The following JMJD1C variants were observed in gnomAD, a reference collection of about 807,000 sequenced individuals.
JMJD1C encodes jumonji domain containing 1C.
Under a neutral mutation model 245.3 loss-of-function variants are expected in JMJD1C, and 31 were observed. The observed-to-expected ratio is 0.13, with a 90% CI of 0.09 to 0.17. JMJD1C has a LOEUF of 0.17. Ranked by LOEUF, JMJD1C falls within the 10% of genes least tolerant of loss-of-function variation. JMJD1C has a pLI of 1.00. For missense variants in JMJD1C, 2,691 were observed against 3,000.2 expected (o/e 0.90, Z 2.41); for synonymous variants, 1,057 against 1,017.4 (o/e 1.04, Z -0.74).
Position 63,497,110 on chromosome 10 carries a change from G to T in JMJD1C, n.113+24628C>A, listed in dbSNP as rs142319022. ...GAGAAATGTTATATTATTCACAGAA[G>T]ATTTTTTCCAAAAGTAGCACCCAAC... On this transcript the variant is annotated intron_variant and non_coding_transcript_variant, in intron 1 of 3. Transcript: ENST00000633035. 2.2e-4 allele frequency among the ~76,000 whole-genome samples: 33 copies of T among 152,132 alleles called. No individual in the cohort carries two copies. In the East Asian group the frequency reaches 6.2e-3, roughly 29 times the overall value.
chr10:63,225,784 A>G (rs1849198159), intron 3 of JMJD1C, among the ~76,000 whole-genome samples: 1 of 151,876 alleles, frequency 6.6e-6, no homozygotes, highest in South Asian at 2.1e-4. Flanking sequence ...CATCTCCAAA[A>G]AAAAAAAAAA....
At position 63,465,484 on chromosome 10, in the gene JMJD1C, G is replaced by A. The variant is rs1061259; in HGVS notation, c.168+11C>T. 6.3e-7 allele frequency: 1 copy of A among 1,590,230 alleles called. No individual in the cohort carries two copies. Among genetic ancestry groups the A allele is most frequent in the Admixed American group, 1.7e-5 (1 of 58,594 alleles). ...CGCGGCAGGGGAAAAGGGGGGCGCT[G>A]ACTCTCTTACCGCCAGGTCCGGATT... On this transcript the variant is annotated intron_variant, in intron 1 of 25. Coordinates refer to ENST00000399262, the MANE Select transcript of JMJD1C (RefSeq NM_032776.3).
chr10:63,391,539 C>CAAA lies in JMJD1C; in HGVS notation c.169-11060_169-11058dup, dbSNP rs796538663. Among the ~76,000 whole-genome samples, 378 of 148,362 alleles carry CAAA rather than the reference C, an allele frequency of 2.5e-3. 3 individuals are homozygous for CAAA. Among genetic ancestry groups the CAAA allele is most frequent in the South Asian group, 0.011 (50 of 4,608 alleles). On this transcript the variant is annotated intron_variant, in intron 1 of 25. Transcript: ENST00000399262. ...ACAACAACAACAACAACAACAACAACAAAAAAGACAATTCCATTTATAATA... is the reference window on the plus strand; with the variant it reads ...ACAACAACAACAACAACAACAACAACAAAAAAAAAGACAATTCCATTTATAATA...
At chr10:63,173,986 T>C (rs1249972977) in intron 24 of JMJD1C, among the ~76,000 whole-genome samples, 1 of 152,044 alleles carries the variant, frequency 6.6e-6, no homozygotes, top group Non-Finnish European at 1.5e-5. Context: ...AAAACCACCA[T>C]GAGACACCAC....
At position 63,215,617 on chromosome 10, in the gene JMJD1C, C is replaced by G. The variant is rs749593063; in HGVS notation, c.758G>C (p.Gly253Ala). 1 of 1,611,466 alleles carries G rather than the reference C, an allele frequency of 6.2e-7. No homozygotes were observed. Among genetic ancestry groups the G allele is most frequent in the Middle Eastern group, 1.7e-4 (1 of 6,056 alleles). ...TCGTGATGTAATGCCAATATTTTCA[C>G]CTTTTAACAAAGAGTGAACAACATC... ...LDDVVHSLLK[G>A]ENIGITSRRR... The change falls in exon 6 of 26, where the codon GGT (glycine) becomes GCT (alanine). Residue 253 changes from glycine to alanine, a missense_variant. This residue lies in a region of JMJD1C where 172 missense variants were observed against 240.8 expected (regional missense o/e 0.71). Coordinates refer to ENST00000399262, the MANE Select transcript of JMJD1C (RefSeq NM_032776.3).
At chr10:63,336,268 C>T (rs1478737274) in intron 2 of JMJD1C, among the ~76,000 whole-genome samples, 1 of 152,112 alleles carries the variant, frequency 6.6e-6, no homozygotes, top group Non-Finnish European at 1.5e-5. Context: ...CGAGACCAGC[C>T]TGGCCAACAT....
At chr10:63,315,586 C>G (rs1939894171) in intron 2 of JMJD1C, among the ~76,000 whole-genome samples, 1 of 151,942 alleles carries the variant, frequency 6.6e-6, no homozygotes, top group Non-Finnish European at 1.5e-5. Flanking sequence ...TGCCTATAAT[C>G]CCAGCACTTT....
At chr10:63,476,514 A>T (rs1953666319) in intron 1 of JMJD1C, among the ~76,000 whole-genome samples, 1 of 151,958 alleles carries the variant, frequency 6.6e-6, no homozygotes. Context: ...GCTGAGGCCA[A>T]GAGTTCAAGA....
At chr10:63,200,407 A>T in intron 11 of JMJD1C, 69 bp downstream of exon 11, 1 of 1,188,484 alleles carries the variant, frequency 8.4e-7, no homozygotes, top group Non-Finnish European at 1.2e-6. Context: ...GACACTCAGA[A>T]TAACACTATA....
chr10:63,337,926 T>C (rs1943002147), intron 2 of JMJD1C, among the ~76,000 whole-genome samples: 3 of 152,170 alleles, frequency 2.0e-5, no homozygotes, highest in Non-Finnish European at 4.4e-5. Flanking sequence ...TTAATCACCA[T>C]AAGAATCTCA....
At chr10:63,229,428 C>T (rs1564646654) in intron 3 of JMJD1C, among the ~76,000 whole-genome samples, 1 of 151,576 alleles carries the variant, frequency 6.6e-6, no homozygotes, top group African/African-American at 2.4e-5. Context: ...AAAAAACAAA[C>T]AAAAAAACAG....
intron 1 of JMJD1C, among the ~76,000 whole-genome samples, chr10:63,409,908 T>A (rs1416520921): frequency 1.3e-5 from 2 of 151,988 alleles, no homozygotes; most frequent in Non-Finnish European, 2.9e-5. Context: ...TTAACTTTCC[T>A]TTTGCATAAG....
intron 2 of JMJD1C, among the ~76,000 whole-genome samples, chr10:63,364,539 G>C (rs1316954578): frequency 1.3e-5 from 2 of 152,100 alleles, no homozygotes; most frequent in African/African-American, 4.8e-5. Flanking sequence ...TCACTCTGTT[G>C]TCCAGGCTGG....
intron 18 of JMJD1C, among the ~76,000 whole-genome samples, chr10:63,187,184 C>T (rs1844231096): frequency 6.6e-6 from 1 of 152,018 alleles, no homozygotes; most frequent in Non-Finnish European, 1.5e-5. Context: ...TGGTTTACTA[C>T]ATGGTTGAAT....
intron 2 of JMJD1C, among the ~76,000 whole-genome samples, chr10:63,293,788 A>AT (rs1564745405): frequency 3.7e-5 from 3 of 80,016 alleles, no homozygotes; most frequent in African/African-American, 8.7e-5. Flanking sequence ...CTATTTCTCT[A>AT]ATTTTTTTTT....
At chr10:63,259,472 A>G (rs531705203) in intron 3 of JMJD1C, among the ~76,000 whole-genome samples, 2 of 152,278 alleles carry the variant, frequency 1.3e-5, no homozygotes, top group South Asian at 4.1e-4. Context: ...AACTTACCCT[A>G]GGCAACTGTT....
At position 63,278,488 on chromosome 10, in the gene JMJD1C, C is replaced by T. The variant is rs368878483; in HGVS notation, c.334-13724G>A. ...GCAGTGAGCTGAGATTACGCCACTG[C>T]ACTCTGGCCTGGGCGACAGACGAGA... is the stretch of plus-strand genomic sequence containing the variant. On this transcript the variant is annotated intron_variant, in intron 2 of 25. Transcript: ENST00000399262. Among the ~76,000 whole-genome samples, 3 of 151,464 alleles carry T rather than the reference C, an allele frequency of 2.0e-5. No individual in the cohort carries two copies. In the East Asian group the frequency reaches 5.8e-4, roughly 29 times the overall value.
chr10:63,287,635 A>G (rs10822152), intron 2 of JMJD1C, among the ~76,000 whole-genome samples: 19,209 of 152,246 alleles, frequency 0.13, 1,549 homozygotes, highest in South Asian at 0.28. Context: ...ATTCTAGAGC[A>G]GAGGATCTCA....
intron 1 of JMJD1C, among the ~76,000 whole-genome samples, chr10:63,446,512 T>C (rs1360178438): frequency 6.6e-6 from 1 of 152,168 alleles, no homozygotes; most frequent in Non-Finnish European, 1.5e-5. Flanking sequence ...TAGGAATAGA[T>C]GTGACCAAGA....
Sources: allele counts gnomAD v4.1 joint callset (sites outside exome capture counted in the v4.1 genomes callset), GRCh38; gene constraint gnomAD v4.1.1; regional missense constraint gnomAD v4.1.1; transcripts MANE v1.5; gene names NCBI Gene and HGNC (gene_info 2026-07-23, HGNC 2026-07-21).